The following HTR7 variants were observed in gnomAD, a reference collection of about 807,000 sequenced individuals.
HTR7 encodes 5-HT-7.
In HTR7, 16 loss-of-function variants were observed where a neutral mutation model predicts 34.0. The ratio of observed to expected loss-of-function variants is 0.47; its 90% CI spans 0.32 to 0.71. HTR7 has a LOEUF of 0.71. Among genes scored for constraint, HTR7 ranks in the 30% least tolerant of loss-of-function variants. The probability of loss-of-function intolerance (pLI) is 0.04; values close to 1 mark genes in which losing one functional copy is unlikely to be tolerated. For missense variants in HTR7, 504 were observed against 625.5 expected (o/e 0.81, Z 2.07); for synonymous variants, 265 against 260.2 (o/e 1.02, Z -0.18).
chr10:90,759,547 CG>C (rs1564672393), intron 1 of HTR7, among the ~76,000 whole-genome samples: 3 of 149,014 alleles, frequency 2.0e-5, no homozygotes, highest in South Asian at 4.3e-4. Context: ...CCCAGCTACT[CG>C]GGAGGCTGAG....
chr10:90,758,174 G>C (rs1844866882), intron 1 of HTR7, among the ~76,000 whole-genome samples: 1 of 151,906 alleles, frequency 6.6e-6, no homozygotes, highest in South Asian at 2.1e-4. Flanking sequence ...GTGAAACCCT[G>C]TCTCTACTAA....
intron 1 of HTR7, among the ~76,000 whole-genome samples, chr10:90,819,046 A>C (rs1011237596): frequency 6.6e-6 from 1 of 152,200 alleles, no homozygotes; most frequent in Non-Finnish European, 1.5e-5. Context: ...CCATGAGCCA[A>C]TTAAACTTGC....
Position 90,790,844 on chromosome 10 carries a change from A to G in HTR7, c.540-41250T>C, listed in dbSNP as rs947365161. Among the ~76,000 whole-genome samples the G allele has an allele frequency of 2.6e-5, 4 of 152,270 alleles. No homozygotes were observed. The East Asian group carries it at 5.8e-4, about 22-fold the overall frequency. On this transcript the variant is annotated intron_variant, in intron 1 of 3. Transcript: ENST00000336152. ...AAGGGAGATTGAGGGAGAGGAAAAG[A>G]CAGAAAAAGAGAGTAAGAGAGAGAG...
At chr10:90,797,962 G>A (rs1845567249) in intron 1 of HTR7, among the ~76,000 whole-genome samples, 1 of 152,210 alleles carries the variant, frequency 6.6e-6, no homozygotes, top group South Asian at 2.1e-4. Context: ...GTAAAAGAGG[G>A]CAAGACAGGG....
At chr10:90,785,432 A>G (rs1324492711) in intron 1 of HTR7, among the ~76,000 whole-genome samples, 1 of 151,992 alleles carries the variant, frequency 6.6e-6, no homozygotes, top group Non-Finnish European at 1.5e-5. Context: ...GTGAAAGCGA[A>G]GTAGAGTCTA....
At chr10:90,825,288 G>C (rs749723253) in intron 1 of HTR7, among the ~76,000 whole-genome samples, 6 of 152,128 alleles carry the variant, frequency 3.9e-5, no homozygotes, top group Non-Finnish European at 7.3e-5. Flanking sequence ...CCTCTACAAG[G>C]CTGCCGCCTA....
chr10:90,805,995 T>A (rs1223653231), intron 1 of HTR7, among the ~76,000 whole-genome samples: 1 of 152,218 alleles, frequency 6.6e-6, no homozygotes, highest in Non-Finnish European at 1.5e-5. Context: ...AAATTAGGGT[T>A]ACTTAGTTAG....
intron 1 of HTR7, among the ~76,000 whole-genome samples, chr10:90,790,222 T>G (rs1051797193): frequency 1.3e-5 from 2 of 152,190 alleles, no homozygotes; most frequent in African/African-American, 4.8e-5. Flanking sequence ...TAAAAAGTAT[T>G]ACCCACACTT....
chr10:90,805,764 A>G (rs1241772725), intron 1 of HTR7, among the ~76,000 whole-genome samples: 1 of 152,242 alleles, frequency 6.6e-6, no homozygotes, highest in East Asian at 1.9e-4. Context: ...TGGCATGTGT[A>G]TGTGATGTTT....
intron 1 of HTR7, among the ~76,000 whole-genome samples, chr10:90,828,782 T>C (rs555659688): frequency 6.6e-6 from 1 of 152,192 alleles, no homozygotes; most frequent in Admixed American, 6.5e-5. Context: ...AAATCAATCC[T>C]ACTAAAACTA....
rs780252775 is a variant in HTR7, at chr10:90,857,585, G to C, written c.87C>G (p.Pro29=). The part of the protein sequence containing the change: ...FLLPEVGRGL[P]DLSPDGGADP... ...CGGCGCCACCGTCGGGGCTCAAGTC[G>C]GGCAGCCCGCGCCCCACTTCTGGCA... is the stretch of plus-strand genomic sequence containing the variant. The change falls in exon 1 of 4, where the codon CCC becomes CCG. Residue 29 remains proline (P), a synonymous_variant. Transcript: ENST00000336152. This position sits in a 1 kb window ranked among gnomAD's most constrained non-coding sequence, Gnocchi z 6.5. 2.5e-6 allele frequency: 4 copies of C among 1,594,488 alleles called. No individual in the cohort carries two copies. The highest frequency in any genetic ancestry group is 1.7e-5 in the Admixed American group (1 of 57,376).
intron 1 of HTR7, among the ~76,000 whole-genome samples, chr10:90,754,946 G>A (rs1485418082): frequency 6.6e-6 from 1 of 152,142 alleles, no homozygotes; most frequent in African/African-American, 2.4e-5. Flanking sequence ...TAGAATCTCC[G>A]GCTGATGTCA....
chr10:90,842,500 GT>G (rs1248769976), intron 1 of HTR7, among the ~76,000 whole-genome samples: 1 of 152,136 alleles, frequency 6.6e-6, no homozygotes, highest in Admixed American at 6.5e-5. Context: ...CAGCCTCCCT[GT>G]CCTCATCACC....
At chr10:90,758,325 A>C (rs1844870255) in intron 1 of HTR7, among the ~76,000 whole-genome samples, 1 of 90,970 alleles carries the variant, frequency 1.1e-5, no homozygotes, top group South Asian at 4.1e-4. Context: ...AGCCTGGGCG[A>C]CAAAGCAAGG....
intron 1 of HTR7, among the ~76,000 whole-genome samples, chr10:90,768,827 TA>T (rs1845063609): frequency 6.6e-6 from 1 of 152,136 alleles, no homozygotes; most frequent in African/African-American, 2.4e-5. Context: ...AGATCAAACA[TA>T]AAGAATAAAA....
At chr10:90,811,371 C>A (rs574320245) in intron 1 of HTR7, among the ~76,000 whole-genome samples, 2 of 150,742 alleles carry the variant, frequency 1.3e-5, no homozygotes, top group South Asian at 4.2e-4. Flanking sequence ...TTCTTCCTCA[C>A]ACCTGATGCC....
chr10:90,820,692 A>G (rs889592372), intron 1 of HTR7, among the ~76,000 whole-genome samples: 1 of 152,206 alleles, frequency 6.6e-6, no homozygotes, highest in Non-Finnish European at 1.5e-5. Flanking sequence ...GCACTACAGT[A>G]AAGGCAACAC....
chr10:90,811,922 C>A (rs538688095), intron 1 of HTR7, among the ~76,000 whole-genome samples: 184 of 152,280 alleles, frequency 1.2e-3, no homozygotes, highest in African/African-American at 4.2e-3. Context: ...ACAGACCAGC[C>A]TTTATTAGTC....
intron 1 of HTR7, among the ~76,000 whole-genome samples, chr10:90,786,768 T>C (rs959681518): frequency 1.3e-5 from 2 of 152,068 alleles, no homozygotes; most frequent in African/African-American, 4.8e-5. Flanking sequence ...AAGATGTTTG[T>C]TCAATGTAGA....
Sources: gnomAD v4.1 joint callset for allele counts (sites outside exome capture counted in the v4.1 genomes callset) on GRCh38, gnomAD v4.1.1 for gene constraint, Gnocchi (gnomAD v3.1) non-coding constraint, MANE v1.5 for transcripts, NCBI Gene and HGNC (gene_info 2026-07-23, HGNC 2026-07-21) for gene names.